ARIH1: variants seen among roughly 807,000 people sequenced by gnomAD.
The protein encoded by ARIH1 is ariadne RBR E3 ubiquitin protein ligase 1.
In ARIH1, 8 loss-of-function variants were observed where a neutral mutation model predicts 85.0. The ratio of observed to expected loss-of-function variants is 0.09; its 90% CI spans 0.06 to 0.17. The LOEUF (loss-of-function observed/expected upper bound fraction) is 0.17, where lower values mean the gene tolerates loss of function less well. ARIH1 is among the 10% of genes least tolerant of loss of function. The pLI is 1.00. For synonymous variants in ARIH1, 238 were observed against 253.6 expected, an observed-to-expected ratio of 0.94 and a Z score of 0.59; for missense variants, 311 against 718.1, an observed-to-expected ratio of 0.43 and a Z score of 6.48.
chr15:72,531,519 C>T (rs567798662), intron 2 of ARIH1, among the ~76,000 whole-genome samples: 1 of 152,268 alleles, frequency 6.6e-6, no homozygotes, highest in South Asian at 2.1e-4. Flanking sequence ...GTGCCTGCCT[C>T]AGCCTCCCAA....
At chr15:72,531,942 T>C (rs1278753143) in intron 2 of ARIH1, among the ~76,000 whole-genome samples, 26 of 152,192 alleles carry the variant, frequency 1.7e-4, no homozygotes. Context: ...ACTATTTGTC[T>C]GTTAAAGGGA....
Position 72,572,092 on chromosome 15 carries a change from C to G in ARIH1, c.1158-16C>G. The G allele has an allele frequency of 1.3e-6, 2 of 1,523,206 alleles. No homozygotes were observed. Among genetic ancestry groups the G allele is most frequent in the Non-Finnish European group, 1.8e-6 (2 of 1,128,888 alleles). The allele number at this position is 1,523,206 out of a possible 1,614,324, so 94.4% of individuals were successfully genotyped here. The stretch of plus-strand genomic sequence containing the variant: ...ATTTTTTTTTTCTTTATGGAATCCT[C>G]TTTATTTACTTGAAGGTACAACTGT... On this transcript the variant is annotated splice_polypyrimidine_tract_variant and intron_variant, in intron 10 of 13. Coordinates refer to ENST00000379887, the MANE Select transcript of ARIH1 (RefSeq NM_005744.5).
At chr15:72,503,510 T>A (rs1368188381) in intron 1 of ARIH1, among the ~76,000 whole-genome samples, 1 of 152,192 alleles carries the variant, frequency 6.6e-6, no homozygotes, top group East Asian at 1.9e-4. Flanking sequence ...GTTCTGGTAG[T>A]CACTCCTGGA....
intron 1 of ARIH1, among the ~76,000 whole-genome samples, chr15:72,506,429 G>T (rs1011427327): frequency 6.7e-6 from 1 of 149,782 alleles, no homozygotes; most frequent in African/African-American, 2.4e-5. Context: ...AAGGAGATTG[G>T]ATATTTTCGT....
intron 10 of ARIH1, 71 bp downstream of exon 10, chr15:72,570,378 A>G: frequency 1.3e-6 from 2 of 1,571,880 alleles, no homozygotes; most frequent in Non-Finnish European, 8.7e-7. Flanking sequence ...TAACATTTCT[A>G]CCTCATAGAT....
intron 2 of ARIH1, among the ~76,000 whole-genome samples, chr15:72,541,855 C>G (rs1229410242): frequency 2.6e-5 from 4 of 152,112 alleles, no homozygotes; most frequent in African/African-American, 9.7e-5. Context: ...TCTAGCAGAG[C>G]AAACATAAAG....
chr15:72,545,967 T>C (rs2064127293), intron 3 of ARIH1, among the ~76,000 whole-genome samples: 1 of 152,278 alleles, frequency 6.6e-6, no homozygotes, highest in Non-Finnish European at 1.5e-5. Context: ...TCATATTCTC[T>C]GCTTTAATAG....
Position 72,583,277 on chromosome 15 carries a change from G to C in ARIH1, c.1659G>C (p.Glu553Asp). The change falls in exon 14 of 14, where the codon GAG becomes GAC. Residue 553 changes from glutamate (E) to aspartate (D), a missense_variant. By Grantham distance (45) the Glu-to-Asp change is conservative. This residue lies in a region of ARIH1 where 50 missense variants were observed against 311.7 expected (regional missense o/e 0.16). Coordinates refer to ENST00000379887, the MANE Select transcript of ARIH1 (RefSeq NM_005744.5). ...AAGGCTATGAAAAAGATCTGTGGGAGTACATTGAGGACTGAGAATGGCCCT... is the reference window on the plus strand; with the variant it reads ...AAGGCTATGAAAAAGATCTGTGGGACTACATTGAGGACTGAGAATGGCCCT... ...VHEGYEKDLW[E>D]YIED 1 of 1,612,822 alleles carries C rather than the reference G, an allele frequency of 6.2e-7. No individual in the cohort carries two copies. Among genetic ancestry groups the C allele is most frequent in the Non-Finnish European group, 8.5e-7 (1 of 1,179,294 alleles).
At chr15:72,506,162 C>A (rs1050166174) in intron 1 of ARIH1, among the ~76,000 whole-genome samples, 2 of 151,840 alleles carry the variant, frequency 1.3e-5, no homozygotes, top group African/African-American at 2.4e-5. Context: ...TCCTGGCTAA[C>A]ACGGTGAAAC....
Position 72,474,402 on chromosome 15 carries a change from C to T in ARIH1, c.-238C>T. The stretch of plus-strand genomic sequence containing the variant: ...CTCGGAGGCCGGAGCGGAGCCGCGT[C>T]TGACTGAGGCGGGCAGCAAGCGGCC... On this transcript the variant is annotated 5_prime_UTR_variant, in exon 1 of 14. Coordinates refer to ENST00000379887, the MANE Select transcript of ARIH1 (RefSeq NM_005744.5). The T allele has an allele frequency of 1.8e-6, 1 of 545,690 alleles. No homozygotes were observed. The highest frequency in any genetic ancestry group is 3.2e-6 in the Non-Finnish European group (1 of 313,996). The allele number at this position is 545,690 out of a possible 1,614,324, so 33.8% of individuals were successfully genotyped here. A position where few individuals can be genotyped will look rare whatever the true frequency, so the allele number is the denominator to read the frequency against.
chr15:72,495,042 C>G (rs530887240), intron 1 of ARIH1, among the ~76,000 whole-genome samples: 1 of 152,254 alleles, frequency 6.6e-6, no homozygotes, highest in East Asian at 1.9e-4. Context: ...TCTCCATTCC[C>G]TCAGTAAAAG....
intron 1 of ARIH1, among the ~76,000 whole-genome samples, chr15:72,490,618 C>A (rs559050609): frequency 9.9e-5 from 15 of 152,076 alleles, no homozygotes; most frequent in Admixed American, 9.2e-4. Flanking sequence ...AAGTTGGGGA[C>A]CACTGTACTG....
chr15:72,495,231 C>T (rs12916097), intron 1 of ARIH1, among the ~76,000 whole-genome samples: 8,335 of 152,158 alleles, frequency 0.055, 431 homozygotes, highest in African/African-American at 0.13. Flanking sequence ...GGAAATGGGG[C>T]GTGACTGCTA....
intron 1 of ARIH1, among the ~76,000 whole-genome samples, chr15:72,489,030 T>C (rs2063848362): frequency 6.6e-6 from 1 of 151,964 alleles, no homozygotes; most frequent in African/African-American, 2.4e-5. Flanking sequence ...ATTACTTGAG[T>C]CCAGGAGTTT....
At chr15:72,561,975 T>C (rs952519805) in intron 6 of ARIH1, among the ~76,000 whole-genome samples, 2 of 151,584 alleles carry the variant, frequency 1.3e-5, no homozygotes, top group African/African-American at 4.8e-5. Context: ...TCCCTCTTAA[T>C]AAAAAATAAA....
At chr15:72,491,926 C>T (rs1041221071) in intron 1 of ARIH1, among the ~76,000 whole-genome samples, 1 of 152,118 alleles carries the variant, frequency 6.6e-6, no homozygotes, top group African/African-American at 2.4e-5. Flanking sequence ...CTGCGGAACT[C>T]TTCTACCTTT....
At chr15:72,480,573 G>A (rs2140390371) in intron 1 of ARIH1, among the ~76,000 whole-genome samples, 1 of 150,120 alleles carries the variant, frequency 6.7e-6, no homozygotes, top group East Asian at 2.0e-4. Flanking sequence ...ACTTTTTGTT[G>A]TTGTTGTTGA....
At chr15:72,548,658 A>T (rs536298706) in intron 3 of ARIH1, among the ~76,000 whole-genome samples, 1 of 152,314 alleles carries the variant, frequency 6.6e-6, no homozygotes, top group East Asian at 1.9e-4. Context: ...ACTCATATAG[A>T]AGGATAATTT....
intron 1 of ARIH1, among the ~76,000 whole-genome samples, chr15:72,502,246 ACT>A (rs2063907017): frequency 6.6e-6 from 1 of 152,048 alleles, no homozygotes; most frequent in South Asian, 2.1e-4. Flanking sequence ...CACTGATTAA[ACT>A]CTTGATGTTT....
Sources: allele counts gnomAD v4.1 joint callset (sites outside exome capture counted in the v4.1 genomes callset), GRCh38; gene constraint gnomAD v4.1.1; regional missense constraint gnomAD v4.1.1; transcripts MANE v1.5; gene names NCBI Gene and HGNC (gene_info 2026-07-23, HGNC 2026-07-21).